RHOH: variants seen among roughly 807,000 people sequenced by gnomAD.
RHOH encodes rho-related GTP-binding protein RhoH.
In RHOH, 6 loss-of-function variants were observed where a neutral mutation model predicts 13.8. That is an observed-to-expected ratio of 0.44 (90% CI 0.24 to 0.86). The LOEUF (loss-of-function observed/expected upper bound fraction) is 0.86, where lower values mean the gene tolerates loss of function less well. Among genes scored for constraint, RHOH ranks in the 40% least tolerant of loss-of-function variants. The pLI is 0.24. For synonymous variants in RHOH, 117 were observed against 103.0 expected (o/e 1.14, Z -0.82); for missense variants, 147 against 244.5 (o/e 0.60, Z 2.66).
chr4:40,192,272 T>A (rs146172834), upstream of RHOH, among the ~76,000 whole-genome samples: 51 of 152,292 alleles, frequency 3.3e-4, no homozygotes, highest in African/African-American at 1.1e-3. Context: ...ATATTACCTA[T>A]CTTCACAACT....
rs188575701 is a variant in RHOH, at chr4:40,230,113, C to A, written c.-330-12601C>A. On this transcript the variant is annotated intron_variant, in intron 1 of 2. Transcript: ENST00000381799. ...AGGCTGGAGTGCAGTGGCACGATCC[C>A]CCCTCACTGCGACCTCTGCCTCCTA... Among the ~76,000 whole-genome samples the A allele has an allele frequency of 9.3e-3, 1,409 of 152,228 alleles. 22 individuals are homozygous for A. The highest frequency in any genetic ancestry group is 0.032 in the African/African-American group (1,330 of 41,534).
chr4:40,234,744 CTTTTTTTTTTTTTT>C (rs549802852), intron 1 of RHOH, among the ~76,000 whole-genome samples: 11 of 101,066 alleles, frequency 1.1e-4, no homozygotes, highest in African/African-American at 3.5e-4. Flanking sequence ...AAATCAGCAT[CTTTTTTTTTTTTTT>C]TTTTTTTTTT....
upstream of RHOH, among the ~76,000 whole-genome samples, chr4:40,195,745 C>CCTGG (rs1262810312): frequency 6.6e-6 from 1 of 151,946 alleles, no homozygotes; most frequent in Non-Finnish European, 1.5e-5. Context: ...CGCCACTGCA[C>CCTGG]CTGGCCTCCC....
chr4:40,209,214 A>G lies in RHOH; in HGVS notation c.-331+11914A>G, dbSNP rs183527534. On this transcript the variant is annotated intron_variant, in intron 1 of 2. Transcript: ENST00000381799. The stretch of plus-strand genomic sequence containing the variant: ...TTAAATTGTATCTAATAAAATTTAG[A>G]GGCTCTTTAGATTTAGAGGGATTTT... 3.3e-3 allele frequency among the ~76,000 whole-genome samples: 503 copies of G among 152,318 alleles called. 1 individual carries two copies. The highest frequency in any genetic ancestry group is 4.5e-3 in the Non-Finnish European group (306 of 68,032).
chr4:40,199,776 G>A (rs1723721718), intron 1 of RHOH, among the ~76,000 whole-genome samples: 3 of 152,206 alleles, frequency 2.0e-5, no homozygotes, highest in African/African-American at 7.2e-5. Context: ...GATCATTGTG[G>A]CAGTGAGTGC....
Position 40,243,231 on chromosome 4 carries a change from G to T in RHOH, c.-156G>T. The stretch of plus-strand genomic sequence containing the variant: ...AGCAGACGGTGCTTGGATGGGCAGG[G>T]AGAAGTAACATTCTGCAAATCGCCG... On this transcript the variant is annotated 5_prime_UTR_variant, in exon 3 of 3. It introduces an in-frame stop codon into an upstream open reading frame of the 5' UTR. Coordinates refer to ENST00000381799, the MANE Select transcript of RHOH (RefSeq NM_004310.5). This position sits in a 1 kb window ranked among gnomAD's most constrained non-coding sequence, Gnocchi z 6.2. 1 of 582,858 alleles carries T rather than the reference G, an allele frequency of 1.7e-6. No individual in the cohort carries two copies. 36.1% of individuals were successfully genotyped at this position (582,858 alleles called of 1,614,324 possible). A position where few individuals can be genotyped will look rare whatever the true frequency, so the allele number is the denominator to read the frequency against.
At position 40,246,117 on chromosome 4, in the gene RHOH, A is replaced by T. The variant is rs1024103176; in HGVS notation, c.*2155A>T. 6.6e-6 allele frequency: 1 copy of T among 152,170 alleles called. No individual in the cohort carries two copies. The highest frequency in any genetic ancestry group is 1.5e-5 in the Non-Finnish European group (1 of 68,074). The allele number at this position is 152,170 out of a possible 1,614,324, so 9.4% of individuals were successfully genotyped here. On this transcript the variant is annotated 3_prime_UTR_variant, in exon 3 of 3. Coordinates refer to ENST00000381799, the MANE Select transcript of RHOH (RefSeq NM_004310.5). ...TCTCATATCCTCTGATATCCCTGGGATTCTCTTCTTCTCCCTCAACCCACA... is the reference window on the plus strand; with the variant it reads ...TCTCATATCCTCTGATATCCCTGGGTTTCTCTTCTTCTCCCTCAACCCACA...
intron 1 of RHOH, among the ~76,000 whole-genome samples, chr4:40,241,271 G>C (rs1266848022): frequency 6.6e-5 from 10 of 152,174 alleles, no homozygotes; most frequent in Non-Finnish European, 1.0e-4. Flanking sequence ...CTCCGCTATG[G>C]ACATTCAGGA....
At chr4:40,212,436 G>A (rs1223135980) in intron 1 of RHOH, among the ~76,000 whole-genome samples, 9 of 152,258 alleles carry the variant, frequency 5.9e-5, no homozygotes, top group African/African-American at 2.2e-4. Flanking sequence ...GTGGGCTACC[G>A]GTGCTATTTG....
chr4:40,239,316 T>A (rs1224623721), intron 1 of RHOH, among the ~76,000 whole-genome samples: 1 of 152,158 alleles, frequency 6.6e-6, no homozygotes, highest in Non-Finnish European at 1.5e-5. Flanking sequence ...ACAGAGACTT[T>A]TTCTCCTTTC....
intron 1 of RHOH, among the ~76,000 whole-genome samples, 176 bp downstream of exon 1, chr4:40,197,476 A>G (rs1723335739): frequency 6.6e-6 from 1 of 152,140 alleles, no homozygotes; most frequent in African/African-American, 2.4e-5. Context: ...TTTGATATTC[A>G]CTGCCCCTCA....
At chr4:40,230,059 T>A (rs1328826199) in intron 1 of RHOH, among the ~76,000 whole-genome samples, 1 of 152,186 alleles carries the variant, frequency 6.6e-6, no homozygotes, top group Non-Finnish European at 1.5e-5. Flanking sequence ...CTTCTTTTTT[T>A]TTTGAGACGG....
In RHOH at chr4:40,201,945, GT is replaced by G. The variant is rs1179441198; in HGVS notation, c.-331+4670del. Among the ~76,000 whole-genome samples, 340 of 109,052 alleles carry G rather than the reference GT, an allele frequency of 3.1e-3. 5 individuals carry two copies. The highest frequency in any genetic ancestry group is 0.016 in the East Asian group (59 of 3,626). 71.5% of individuals were successfully genotyped at this position (109,052 alleles called of 152,430 possible). The stretch of plus-strand genomic sequence containing the variant: ...AGTTCTGGCAACATTAACTCCATGA[GT>G]TTTTTTTTTTTTTTTTTTTTTTTTA... On this transcript the variant is annotated intron_variant, in intron 1 of 2. Coordinates refer to ENST00000381799, the MANE Select transcript of RHOH (RefSeq NM_004310.5).
chr4:40,243,860 A>T lies in RHOH; in HGVS notation c.474A>T (p.Gly158=). 1 of 1,614,178 alleles carries T rather than the reference A, an allele frequency of 6.2e-7. No individual in the cohort carries two copies. The highest frequency in any genetic ancestry group is 8.5e-7 in the Non-Finnish European group (1 of 1,180,012). The change falls in exon 3 of 3, where the codon GGA becomes GGT. Residue 158 remains glycine, a synonymous_variant. Transcript: ENST00000381799. The surrounding 1 kb of genome is among the most constrained non-coding windows in gnomAD (Gnocchi z 6.2). Reference sequence around the variant, plus strand: ...AGTGCTCAGCCCTTAGCAATCGGGGAGTACAGCAGGTGTTTGAGTGCGCCG... The same window carrying T: ...AGTGCTCAGCCCTTAGCAATCGGGGTGTACAGCAGGTGTTTGAGTGCGCCG... ...YLECSALSNR[G]VQQVFECAVR...
rs1729639698 is a variant in RHOH, at chr4:40,244,574, G to T, written c.*612G>T. On this transcript the variant is annotated 3_prime_UTR_variant, in exon 3 of 3. Coordinates refer to ENST00000381799, the MANE Select transcript of RHOH (RefSeq NM_004310.5). ...TATTCACAGTTGGATATAAAATACAGTTCCATAAGATATCCTAATACTGCC... is the reference window on the plus strand; with the variant it reads ...TATTCACAGTTGGATATAAAATACATTTCCATAAGATATCCTAATACTGCC... 1 of 202,570 alleles carries T rather than the reference G, an allele frequency of 4.9e-6. No individual in the cohort carries two copies. Among genetic ancestry groups the T allele is most frequent in the Non-Finnish European group, 1.1e-5 (1 of 89,702 alleles). 12.5% of individuals were successfully genotyped at this position (202,570 alleles called of 1,614,324 possible). A position where few individuals can be genotyped will look rare whatever the true frequency, so the allele number is the denominator to read the frequency against.
chr4:40,223,136 T>G (rs1158233100), intron 1 of RHOH, among the ~76,000 whole-genome samples: 1 of 152,036 alleles, frequency 6.6e-6, no homozygotes, highest in Non-Finnish European at 1.5e-5. Context: ...AGACAGAATC[T>G]ACTTCTGGTG....
chr4:40,227,884 T>C (rs1055420729), intron 1 of RHOH, among the ~76,000 whole-genome samples: 1 of 152,158 alleles, frequency 6.6e-6, no homozygotes, highest in African/African-American at 2.4e-5. Context: ...TTGCAAATAT[T>C]ATACCCAGTG....
At chr4:40,236,859 C>T (rs1265441632) in intron 1 of RHOH, among the ~76,000 whole-genome samples, 1 of 151,522 alleles carries the variant, frequency 6.6e-6, no homozygotes, top group African/African-American at 2.4e-5. Context: ...CACTTATGTA[C>T]ACATATATAG....
intron 1 of RHOH, among the ~76,000 whole-genome samples, chr4:40,234,341 T>G (rs1728295604): frequency 6.6e-6 from 1 of 152,128 alleles, no homozygotes; most frequent in Non-Finnish European, 1.5e-5. Context: ...CCCCATCACT[T>G]TAGTTTTGAG....
Sources: gnomAD v4.1 joint callset for allele counts (sites outside exome capture counted in the v4.1 genomes callset) on GRCh38, gnomAD v4.1.1 for gene constraint, Gnocchi (gnomAD v3.1) non-coding constraint, MANE v1.5 for transcripts, NCBI Gene and HGNC (gene_info 2026-07-23, HGNC 2026-07-21) for gene names.